The following LRP1B variants were observed in gnomAD, a reference collection of about 807,000 sequenced individuals.
The protein encoded by LRP1B is low-density lipoprotein receptor-related protein 1B.
In LRP1B, 217 loss-of-function variants were observed where a neutral mutation model predicts 556.6. The ratio of observed to expected loss-of-function variants is 0.39; its 90% confidence interval spans 0.35 to 0.44. The LOEUF is 0.44. Ranked by LOEUF, LRP1B falls within the 20% of genes least tolerant of loss-of-function variation. LRP1B has a pLI of 1.00. For synonymous variants in LRP1B, 2,047 were observed against 1,865.8 expected, an observed-to-expected ratio of 1.10 and a Z score of -2.50; for missense variants, 5,053 against 5,620.8, an observed-to-expected ratio of 0.90 and a Z score of 3.23.
chr2:141,728,033 G>A (rs1417243525), intron 2 of LRP1B, among the ~76,000 whole-genome samples: 2 of 152,152 alleles, frequency 1.3e-5, no homozygotes, highest in South Asian at 4.1e-4. Flanking sequence ...GCTATAATGA[G>A]GGGGAAAGAG....
At position 141,788,802 on chromosome 2, in the gene LRP1B, C is replaced by T. The variant is rs368830367; in HGVS notation, c.205+21477G>A. Among the ~76,000 whole-genome samples, 15 of 148,846 alleles carry T rather than the reference C, an allele frequency of 1.0e-4. No homozygotes were observed. The South Asian group carries it at 3.2e-3, about 31-fold the overall frequency. On this transcript the variant is annotated intron_variant, in intron 2 of 90. Coordinates refer to ENST00000389484, the MANE Select transcript of LRP1B (RefSeq NM_018557.3). ...GAACATGCGGTGTTTGTTTTTTTGC[C>T]CTTGCGACAGTTTGCTAAGAATGAT...
At chr2:140,439,170 G>C (rs1447762005) in intron 66 of LRP1B, among the ~76,000 whole-genome samples, 1 of 152,122 alleles carries the variant, frequency 6.6e-6, no homozygotes, top group Non-Finnish European at 1.5e-5. Context: ...TAGGCTGAAG[G>C]TGAAAAAAGT....
chr2:141,870,248 C>A (rs1418715180), intron 1 of LRP1B, among the ~76,000 whole-genome samples: 1 of 151,876 alleles, frequency 6.6e-6, no homozygotes, highest in Non-Finnish European at 1.5e-5. Context: ...TATTTTTATT[C>A]TTCCTCTCTA....
intron 49 of LRP1B, among the ~76,000 whole-genome samples, chr2:140,524,128 T>TG (rs1553480242): frequency 6.6e-6 from 1 of 150,838 alleles, no homozygotes; most frequent in African/African-American, 2.4e-5. Flanking sequence ...CAATAAGAAA[T>TG]AAAAAAAACA....
chr2:141,716,143 T>C (rs1408530605), intron 2 of LRP1B, among the ~76,000 whole-genome samples: 1 of 152,154 alleles, frequency 6.6e-6, no homozygotes, highest in Admixed American at 6.5e-5. Flanking sequence ...TTCACAAAGC[T>C]CTCTATAACC....
intron 3 of LRP1B, among the ~76,000 whole-genome samples, chr2:141,452,836 A>G (rs1681473719): frequency 6.6e-6 from 1 of 151,932 alleles, no homozygotes. Context: ...CCCCTCTTGT[A>G]CCTCCTGGAT....
At chr2:140,492,584 G>T (rs201383391) in intron 57 of LRP1B, 24 bp downstream of exon 57, 2 of 1,532,358 alleles carry the variant, frequency 1.3e-6, no homozygotes, top group Non-Finnish European at 1.8e-6. Context: ...TAAATGTTAC[G>T]GTGTCATCTT....
At chr2:141,900,820 A>G (rs1699596648) in intron 1 of LRP1B, among the ~76,000 whole-genome samples, 1 of 152,088 alleles carries the variant, frequency 6.6e-6, no homozygotes, top group South Asian at 2.1e-4. Context: ...CTTTGTCAAT[A>G]GTCCCTTTAT....
intron 87 of LRP1B, among the ~76,000 whole-genome samples, chr2:140,245,991 C>A (rs1681143629): frequency 1.3e-5 from 2 of 151,328 alleles, no homozygotes; most frequent in South Asian, 4.1e-4. Context: ...ACCTATTTTC[C>A]ATTTTTCAAA....
intron 3 of LRP1B, among the ~76,000 whole-genome samples, chr2:141,325,169 G>A (rs1392389563): frequency 1.3e-5 from 2 of 151,208 alleles, no homozygotes; most frequent in African/African-American, 4.9e-5. Context: ...TTTCATTTTT[G>A]CTGTTTTAGG....
chr2:140,965,152 T>A (rs1443733582), intron 18 of LRP1B, among the ~76,000 whole-genome samples: 1 of 152,088 alleles, frequency 6.6e-6, no homozygotes, highest in Non-Finnish European at 1.5e-5. Context: ...ATATTAAAGT[T>A]CCCCTGGGGT....
chr2:140,874,824 G>A (rs1693253779), intron 25 of LRP1B, among the ~76,000 whole-genome samples: 1 of 151,696 alleles, frequency 6.6e-6, no homozygotes, highest in Non-Finnish European at 1.5e-5. Context: ...TTCAAGGCCA[G>A]CCTGACCAAC....
At chr2:141,795,883 TATATATATATATATATA>T (rs1336675036) in intron 2 of LRP1B, among the ~76,000 whole-genome samples, 1 of 73,788 alleles carries the variant, frequency 1.4e-5, no homozygotes, top group Non-Finnish European at 2.8e-5. Context: ...TATATATATA[TATATATATATATATATA>T]ATCTTTAAGC....
chr2:141,917,258 C>T (rs1423003118), intron 1 of LRP1B, among the ~76,000 whole-genome samples: 3 of 152,094 alleles, frequency 2.0e-5, no homozygotes, highest in Admixed American at 2.0e-4. Context: ...ATGAAATTCA[C>T]CTATCAGAGG....
intron 66 of LRP1B, among the ~76,000 whole-genome samples, chr2:140,397,449 A>G (rs1023324237): frequency 1.3e-5 from 2 of 152,126 alleles, no homozygotes; most frequent in Non-Finnish European, 2.9e-5. Context: ...GGAAAGTGGC[A>G]CTTATTTCCA....
At chr2:140,673,735 A>C (rs1281985335) in intron 41 of LRP1B, among the ~76,000 whole-genome samples, 1 of 152,082 alleles carries the variant, frequency 6.6e-6, no homozygotes, top group Non-Finnish European at 1.5e-5. Flanking sequence ...TTCCAAAGAA[A>C]CTTGAAAAAC....
At chr2:140,605,543 CTTTTCTTTA>C (rs942795499) in intron 41 of LRP1B, among the ~76,000 whole-genome samples, 4 of 142,110 alleles carry the variant, frequency 2.8e-5, no homozygotes, top group African/African-American at 7.5e-5. Flanking sequence ...CTTTTCTTTC[CTTTTCTTTA>C]TTTTATCTTT....
At chr2:141,783,436 C>A (rs1462621072) in intron 2 of LRP1B, among the ~76,000 whole-genome samples, 1 of 152,006 alleles carries the variant, frequency 6.6e-6, no homozygotes, top group Non-Finnish European at 1.5e-5. Context: ...CGTAGTCTCT[C>A]TCATCACATT....
At chr2:140,240,006 G>C (rs1437231179) in intron 87 of LRP1B, among the ~76,000 whole-genome samples, 3 of 150,846 alleles carry the variant, frequency 2.0e-5, no homozygotes, top group African/African-American at 7.3e-5. Context: ...TGAAACAAAA[G>C]GGGTATCAGT....
Sources: allele counts gnomAD v4.1 joint callset (sites outside exome capture counted in the v4.1 genomes callset), GRCh38; gene constraint gnomAD v4.1.1; transcripts MANE v1.5; gene names NCBI Gene and HGNC (gene_info 2026-07-23, HGNC 2026-07-21).